The following CCDC88C variants were observed in gnomAD, a reference collection of about 807,000 sequenced individuals.
CCDC88C encodes coiled-coil and HOOK domain protein 88C.
CCDC88C carries 131 observed loss-of-function variants against 198.8 expected under a neutral mutation model. That is an observed-to-expected ratio of 0.66 (90% CI 0.57 to 0.76). The LOEUF is 0.76. CCDC88C is among the 30% of genes least tolerant of loss of function. The pLI is 0.00. For synonymous variants in CCDC88C, 1,166 were observed against 1,114.7 expected (o/e 1.05, Z -0.92); for missense variants, 2,553 against 2,631.6 (o/e 0.97, Z 0.65).
chr14:91,309,159 G>A (rs1891692750), intron 16 of CCDC88C, among the ~76,000 whole-genome samples: 2 of 152,150 alleles, frequency 1.3e-5, no homozygotes, highest in African/African-American at 4.8e-5. Context: ...AAACCAGGAG[G>A]CGGAGGTTTT....
intron 15 of CCDC88C, among the ~76,000 whole-genome samples, chr14:91,312,141 C>A (rs1438132403): frequency 6.6e-6 from 1 of 152,198 alleles, no homozygotes; most frequent in Non-Finnish European, 1.5e-5. Flanking sequence ...GTAATCCCAG[C>A]ACTTTGGGAG....
chr14:91,330,803 G>A (rs190322242), intron 10 of CCDC88C, among the ~76,000 whole-genome samples: 6 of 152,262 alleles, frequency 3.9e-5, no homozygotes, highest in Admixed American at 1.3e-4. Context: ...GGCCTGGAGC[G>A]CAAGACAGAG....
At position 91,283,490 on chromosome 14, in the gene CCDC88C, C is replaced by G; in HGVS notation, c.4469G>C (p.Gly1490Ala). Residue 1490 changes from glycine (G) to alanine (A), a missense_variant, in exon 26 of 30, where the codon GGC becomes GCC. This residue lies in a region of CCDC88C where 1,293 missense variants were observed against 1,219.6 expected (regional missense o/e 1.06). Transcript: ENST00000389857. ...GTCAAGGCTGCCTCTGTGTGGGGAG[C>G]CTCGCTTTGGTTTTAGATCCCCAGG... ...KGPGDLKPKR[G>A]SPHRGSLDRT... 6.2e-7 allele frequency: 1 copy of G among 1,611,886 alleles called. No homozygotes were observed. The highest frequency in any genetic ancestry group is 1.3e-5 in the African/African-American group (1 of 74,970).
At chr14:91,375,438 CT>C (rs1257384050) in intron 3 of CCDC88C, among the ~76,000 whole-genome samples, 5 of 152,068 alleles carry the variant, frequency 3.3e-5, no homozygotes, top group Non-Finnish European at 5.9e-5. Context: ...CTTATTCTTC[CT>C]TTTTTCCTTT....
At chr14:91,369,147 A>G (rs964013870) in intron 3 of CCDC88C, among the ~76,000 whole-genome samples, 2 of 152,176 alleles carry the variant, frequency 1.3e-5, no homozygotes. Context: ...TCATCACCTC[A>G]TGCCCAAAGC....
chr14:91,415,926 G>A (rs900055688), intron 2 of CCDC88C, among the ~76,000 whole-genome samples: 6 of 152,074 alleles, frequency 3.9e-5, no homozygotes, highest in African/African-American at 7.2e-5. Context: ...GTGCGCACAC[G>A]AGGCTGATCC....
At chr14:91,293,414 A>ACAGCCCACCTTCCTGCCCCCTCG (rs1890801137) in intron 23 of CCDC88C, among the ~76,000 whole-genome samples, 2 of 12,716 alleles carry the variant, frequency 1.6e-4, no homozygotes, top group Non-Finnish European at 3.3e-4. Flanking sequence ...CTGCCCCCTC[A>ACAGCCCACCTTCCTGCCCCCTCG]CCTGCCACGG....
At chr14:91,398,316 A>G (rs1885970373) in intron 3 of CCDC88C, among the ~76,000 whole-genome samples, 1 of 152,226 alleles carries the variant, frequency 6.6e-6, no homozygotes, top group Admixed American at 6.5e-5. Flanking sequence ...CCAGGTCCTC[A>G]GCCCGTTTGC....
chr14:91,411,755 G>A lies in CCDC88C; in HGVS notation c.162-2988C>T, dbSNP rs534050076. Among the ~76,000 whole-genome samples, 24 of 152,258 alleles carry A rather than the reference G, an allele frequency of 1.6e-4. No homozygotes were observed. In the South Asian group the frequency reaches 4.8e-3, roughly 30 times the overall value. On this transcript the variant is annotated intron_variant, in intron 2 of 29. Coordinates refer to ENST00000389857, the MANE Select transcript of CCDC88C (RefSeq NM_001080414.4). ...AGGTGAGAGGATCACTTGAGGTCAG[G>A]AGTTCGAGACCAGCCTGGCCAACAT... is the stretch of plus-strand genomic sequence containing the variant.
intron 3 of CCDC88C, among the ~76,000 whole-genome samples, chr14:91,367,195 T>A (rs1033339243): frequency 1.3e-5 from 2 of 152,078 alleles, no homozygotes; most frequent in African/African-American, 4.8e-5. Flanking sequence ...GCCCCTCATG[T>A]GGCTATGAAT....
In CCDC88C at chr14:91,338,405, T is replaced by G. The variant is rs1893149835; in HGVS notation, c.891+84A>C. 6.5e-6 allele frequency: 8 copies of G among 1,233,004 alleles called. No individual in the cohort carries two copies. Among genetic ancestry groups the G allele is most frequent in the African/African-American group, 3.0e-5 (2 of 66,806 alleles). The allele number at this position is 1,233,004 out of a possible 1,614,324, so 76.4% of individuals were successfully genotyped here. ...TTGTGTGGCTTAAAAGCGCTGCTGT[T>G]GAGCTCCTGACCCTCCAGGCCCCGT... is the stretch of plus-strand genomic sequence containing the variant. On this transcript the variant is annotated intron_variant, in intron 9 of 29. Coordinates refer to ENST00000389857, the MANE Select transcript of CCDC88C (RefSeq NM_001080414.4). The surrounding 1 kb of genome is among the most constrained non-coding windows in gnomAD (Gnocchi z 4.8).
chr14:91,321,792 G>A (rs1892367821), intron 12 of CCDC88C, among the ~76,000 whole-genome samples: 1 of 152,216 alleles, frequency 6.6e-6, no homozygotes, highest in Admixed American at 6.5e-5. Context: ...GCACTTGTCA[G>A]CCTGGATGAG....
At chr14:91,287,305 T>C (rs1434984732) in intron 25 of CCDC88C, among the ~76,000 whole-genome samples, 1 of 152,194 alleles carries the variant, frequency 6.6e-6, no homozygotes, top group Non-Finnish European at 1.5e-5. Context: ...TATCTAATCT[T>C]ATCCCCATAA....
chr14:91,313,754 C>G lies in CCDC88C; in HGVS notation c.2062G>C (p.Val688Leu). 6.2e-7 allele frequency: 1 copy of G among 1,608,264 alleles called. No homozygotes were observed. Among genetic ancestry groups the G allele is most frequent in the Non-Finnish European group, 8.5e-7 (1 of 1,179,740 alleles). Reference protein sequence around the residue: ...LRKSLDTLQNVSLQLEGLERD... With the variant: ...LRKSLDTLQNLSLQLEGLERD... ...TCCAGGCCCTCAAGCTGCAGGGACACGTTCTGCAAGGTGTCCAGAGACTTC... is the reference window on the plus strand; with the variant it reads ...TCCAGGCCCTCAAGCTGCAGGGACAGGTTCTGCAAGGTGTCCAGAGACTTC... The change falls in exon 15 of 30, where the codon GTG becomes CTG. Residue 688 changes from valine to leucine, a missense_variant. Val to Leu is a conservative substitution (Grantham distance 32, BLOSUM62 1). Transcript: ENST00000389857. This position sits in a 1 kb window ranked among gnomAD's most constrained non-coding sequence, Gnocchi z 5.2.
intron 3 of CCDC88C, among the ~76,000 whole-genome samples, chr14:91,364,281 G>A (rs751282033): frequency 5.9e-5 from 9 of 152,162 alleles, no homozygotes; most frequent in Non-Finnish European, 1.3e-4. Flanking sequence ...GCAATCCAGG[G>A]TAGATTGCAC....
chr14:91,386,417 C>CA (rs1374476249), intron 3 of CCDC88C, among the ~76,000 whole-genome samples: 1 of 151,972 alleles, frequency 6.6e-6, no homozygotes, highest in Admixed American at 6.6e-5. Context: ...GCCAAGATCA[C>CA]ACCTTTGCAG....
intron 3 of CCDC88C, 174 bp downstream of exon 3, chr14:91,408,485 C>A: frequency 1.6e-6 from 1 of 609,038 alleles, no homozygotes. Context: ...ATCAACGCAC[C>A]ATCTCATCCT....
Position 91,313,096 on chromosome 14 carries a change from A to G in CCDC88C, c.2720T>C (p.Leu907Pro). The G allele has an allele frequency of 6.3e-7, 1 of 1,587,756 alleles. No individual in the cohort carries two copies. Among genetic ancestry groups the G allele is most frequent in the Non-Finnish European group, 8.6e-7 (1 of 1,164,022 alleles). The change falls in exon 15 of 30, where the codon CTG (leucine) becomes CCG (proline). Residue 907 changes from leucine to proline, a missense_variant. By Grantham distance (98) the Leu-to-Pro change is moderately conservative. Around this residue, in one of 2 missense-constraint regions of CCDC88C, gnomAD observed 1,260 missense variants for 1,412.0 expected, o/e 0.89. Transcript: ENST00000389857. The surrounding 1 kb of genome is among the most constrained non-coding windows in gnomAD (Gnocchi z 5.2). ...TTTGCTCACCTCCCTCAGAGTTGTC[A>G]GTGTCCTTGCATGCACGGTGACTTG... ...TKQVTVHART[L>P]TTLREDLVLE...
intron 15 of CCDC88C, among the ~76,000 whole-genome samples, chr14:91,311,370 TC>T (rs1729341175): frequency 6.6e-6 from 1 of 152,210 alleles, no homozygotes. Context: ...TGCTCAGTGT[TC>T]ACCAAACCCA....
Sources: allele counts gnomAD v4.1 joint callset (sites outside exome capture counted in the v4.1 genomes callset), GRCh38; gene constraint gnomAD v4.1.1; regional missense constraint gnomAD v4.1.1; non-coding constraint Gnocchi (gnomAD v3.1); transcripts MANE v1.5; gene names NCBI Gene and HGNC (gene_info 2026-07-23, HGNC 2026-07-21).